MACROD2: variants seen among roughly 807,000 people sequenced by gnomAD.
The protein encoded by MACROD2 is mono-ADP ribosylhydrolase 2.
In MACROD2, 36 loss-of-function variants were observed where a neutral mutation model predicts 70.4. The observed-to-expected ratio is 0.51, with a 90% CI of 0.39 to 0.68. The LOEUF (loss-of-function observed/expected upper bound fraction) is 0.68. MACROD2 is among the 30% of genes least tolerant of loss of function. MACROD2 has a pLI of 0.00. For missense variants in MACROD2, 496 were observed against 538.4 expected, an observed-to-expected ratio of 0.92 and a Z score of 0.78; for synonymous variants, 172 against 178.8, an observed-to-expected ratio of 0.96 and a Z score of 0.30.
rs2082729222 is a variant in MACROD2, at chr20:14,326,099, C to T, written c.272-167380C>T. The T allele has an allele frequency of 6.2e-7, 1 of 1,613,856 alleles. No homozygotes were observed. Among genetic ancestry groups the T allele is most frequent in the Non-Finnish European group, 8.5e-7 (1 of 1,179,862 alleles). On this transcript the variant is annotated intron_variant, in intron 3 of 17. Transcript: ENST00000684519. The surrounding 1 kb of genome is among the most constrained non-coding windows in gnomAD (Gnocchi z 5.5). The stretch of plus-strand genomic sequence containing the variant: ...CATACTTTATAGGGTGAATCAGGCT[C>T]CAGGGCTGTGACCAAGTACTCACTG...
intron 3 of MACROD2, among the ~76,000 whole-genome samples, chr20:14,362,265 C>A (rs2083229156): frequency 6.6e-6 from 1 of 152,168 alleles, no homozygotes; most frequent in East Asian, 1.9e-4. Context: ...GAGACAGGTA[C>A]TTTTATTGTC....
intron 8 of MACROD2, among the ~76,000 whole-genome samples, chr20:15,760,568 C>G (rs2051421136): frequency 6.6e-6 from 1 of 152,168 alleles, no homozygotes; most frequent in African/African-American, 2.4e-5. Flanking sequence ...TTCCTTGCTT[C>G]CCACTGCGGA....
chr20:14,836,184 G>T (rs951442157), intron 5 of MACROD2, among the ~76,000 whole-genome samples: 2 of 152,056 alleles, frequency 1.3e-5, no homozygotes, highest in African/African-American at 4.8e-5. Context: ...AAAAGAGTGG[G>T]TTAAGCAAGT....
At chr20:14,660,995 A>G (rs1169537155) in intron 4 of MACROD2, among the ~76,000 whole-genome samples, 1 of 152,124 alleles carries the variant, frequency 6.6e-6, no homozygotes, top group Non-Finnish European at 1.5e-5. Flanking sequence ...TATTGTGAAT[A>G]GTGCTGGGGT....
intron 3 of MACROD2, among the ~76,000 whole-genome samples, chr20:14,230,007 T>G (rs2081786151): frequency 6.6e-6 from 1 of 152,220 alleles, no homozygotes; most frequent in South Asian, 2.1e-4. Flanking sequence ...TTTGATAGCA[T>G]TATATCTAAA....
chr20:14,840,270 T>A (rs1195752752), intron 5 of MACROD2, among the ~76,000 whole-genome samples: 1 of 152,150 alleles, frequency 6.6e-6, no homozygotes, highest in Non-Finnish European at 1.5e-5. Context: ...GCTCCTGGCC[T>A]CTAGTGATCT....
At chr20:14,018,859 C>G (rs570517324) in intron 2 of MACROD2, among the ~76,000 whole-genome samples, 13 of 152,240 alleles carry the variant, frequency 8.5e-5, no homozygotes, top group African/African-American at 2.9e-4. Context: ...AAAGAAAAAG[C>G]TTTATTGCAA....
chr20:15,095,061 C>CTAT (rs2075819464), intron 5 of MACROD2, among the ~76,000 whole-genome samples: 1 of 45,862 alleles, frequency 2.2e-5, no homozygotes, highest in African/African-American at 1.2e-4. Context: ...GTGGTCTCCT[C>CTAT]TTCTTTTTTT....
At chr20:14,059,520 C>T (rs890746141) in intron 2 of MACROD2, among the ~76,000 whole-genome samples, 2 of 152,140 alleles carry the variant, frequency 1.3e-5, no homozygotes, top group African/African-American at 2.4e-5. Context: ...GACTGCAGTT[C>T]GGATTAAGGC....
At chr20:14,230,606 A>G (rs2081794089) in intron 3 of MACROD2, among the ~76,000 whole-genome samples, 1 of 124,154 alleles carries the variant, frequency 8.1e-6, no homozygotes, top group Non-Finnish European at 1.6e-5. Flanking sequence ...CTTGGAATCA[A>G]CTTCTTCCAA....
chr20:14,932,931 T>G (rs1046999029), intron 5 of MACROD2, among the ~76,000 whole-genome samples: 1 of 152,186 alleles, frequency 6.6e-6, no homozygotes, highest in African/African-American at 2.4e-5. Context: ...TGGATAATTA[T>G]ATAACTAATT....
chr20:15,568,881 G>A (rs1341571088), intron 8 of MACROD2, among the ~76,000 whole-genome samples: 1 of 152,130 alleles, frequency 6.6e-6, no homozygotes, highest in East Asian at 1.9e-4. Context: ...TAAGTCTTGT[G>A]AATACAGGTT....
intron 2 of MACROD2, among the ~76,000 whole-genome samples, chr20:14,015,918 A>G (rs954630856): frequency 2.0e-5 from 3 of 152,238 alleles, no homozygotes; most frequent in Non-Finnish European, 4.4e-5. Context: ...AACTGTGAAT[A>G]ATGCTGCTAT....
chr20:14,574,871 C>A (rs896304567), intron 4 of MACROD2, among the ~76,000 whole-genome samples: 1 of 147,022 alleles, frequency 6.8e-6, no homozygotes, highest in Admixed American at 6.8e-5. Context: ...ATTAGCCGGG[C>A]GCGGTGGCGG....
chr20:15,688,641 G>A lies in MACROD2; in HGVS notation c.646-174104G>A, dbSNP rs151117629. On this transcript the variant is annotated intron_variant, in intron 8 of 17. Transcript: ENST00000684519. ...AAGTTTTAAAAATACCTTGATATAC[G>A]GAAGAAAATGAAAATGGCCTCTACA... Among the ~76,000 whole-genome samples the A allele has an allele frequency of 9.9e-3, 1,513 of 152,192 alleles. 22 individuals carry two copies. Among genetic ancestry groups the A allele is most frequent in the African/African-American group, 0.035 (1,438 of 41,534 alleles).
intron 3 of MACROD2, among the ~76,000 whole-genome samples, chr20:14,139,281 C>T (rs112411646): frequency 0.022 from 3,344 of 152,298 alleles, 42 homozygotes; most frequent in South Asian, 0.031. Flanking sequence ...TGAGCCATTC[C>T]GCCCAGCCGC....
intron 6 of MACROD2, among the ~76,000 whole-genome samples, chr20:15,275,382 G>A (rs2077381766): frequency 6.6e-6 from 1 of 152,144 alleles, no homozygotes; most frequent in African/African-American, 2.4e-5. Flanking sequence ...TTTAAGGAGG[G>A]GGGTAATTAG....
chr20:14,403,378 G>T (rs888128634), intron 3 of MACROD2, among the ~76,000 whole-genome samples: 2 of 152,044 alleles, frequency 1.3e-5, no homozygotes, highest in Non-Finnish European at 2.9e-5. Context: ...ACATCCCCCT[G>T]CCCTCAATTA....
intron 5 of MACROD2, among the ~76,000 whole-genome samples, chr20:14,764,847 T>C (rs1469299812): frequency 6.6e-6 from 1 of 152,096 alleles, no homozygotes; most frequent in Admixed American, 6.6e-5. Flanking sequence ...TTTATTTTTT[T>C]TCTCCACTTT....
Sources: allele counts gnomAD v4.1 joint callset (sites outside exome capture counted in the v4.1 genomes callset), GRCh38; gene constraint gnomAD v4.1.1; non-coding constraint Gnocchi (gnomAD v3.1); transcripts MANE v1.5; gene names NCBI Gene and HGNC (gene_info 2026-07-23, HGNC 2026-07-21).